The following ARHGEF11 variants were observed in gnomAD, a reference collection of about 807,000 sequenced individuals.
The protein encoded by ARHGEF11 is Rho guanine exchange factor (GEF) 11.
ARHGEF11 carries 55 observed loss-of-function variants against 193.7 expected under a neutral mutation model. The observed-to-expected ratio is 0.28, with a 90% CI of 0.23 to 0.36. The LOEUF (loss-of-function observed/expected upper bound fraction) is 0.36. Ranked by LOEUF, ARHGEF11 falls within the 10% of genes least tolerant of loss-of-function variation. The pLI is 1.00. For synonymous variants in ARHGEF11, 693 were observed against 768.0 expected, an observed-to-expected ratio of 0.90 and a Z score of 1.62; for missense variants, 1,723 against 2,005.6, an observed-to-expected ratio of 0.86 and a Z score of 2.69.
chr1:156,941,715 T>G, intron 34 of ARHGEF11, 149 bp downstream of exon 34: 1 of 1,236,260 alleles, frequency 8.1e-7, no homozygotes, highest in South Asian at 1.5e-5. Context: ...GGCATGTTCC[T>G]CCATCTGCCA....
At chr1:156,936,497 A>AAAAAAAT (rs370282821) in intron 40 of ARHGEF11, among the ~76,000 whole-genome samples, 3 of 33,936 alleles carry the variant, frequency 8.8e-5, no homozygotes, top group African/African-American at 3.1e-4. Context: ...AAAAAAAAAA[A>AAAAAAAT]ATATATATAT....
At chr1:156,950,353 T>C (rs959148394) in intron 22 of ARHGEF11, among the ~76,000 whole-genome samples, 2 of 152,198 alleles carry the variant, frequency 1.3e-5, no homozygotes, top group Admixed American at 6.5e-5. Flanking sequence ...AAAGGCAAAA[T>C]AGGCCAGGTG....
At chr1:157,036,076 T>G (rs1270056138) in intron 1 of ARHGEF11, among the ~76,000 whole-genome samples, 3 of 143,562 alleles carry the variant, frequency 2.1e-5, no homozygotes, top group Admixed American at 7.1e-5. Flanking sequence ...TGAATCTATA[T>G]GAATATATAT....
At chr1:157,016,585 G>A (rs1669259095) in intron 1 of ARHGEF11, among the ~76,000 whole-genome samples, 1 of 152,118 alleles carries the variant, frequency 6.6e-6, no homozygotes, top group Admixed American at 6.6e-5. Context: ...TTCATTTTGT[G>A]TGTGTGGTAA....
Position 156,963,551 on chromosome 1 carries a change from T to C in ARHGEF11, c.1007A>G (p.Glu336Gly). 1 of 1,613,982 alleles carries C rather than the reference T, an allele frequency of 6.2e-7. No homozygotes were observed. The highest frequency in any genetic ancestry group is 8.5e-7 in the Non-Finnish European group (1 of 1,179,964). The change falls in exon 12 of 41, where the codon GAA becomes GGA. Residue 336 changes from glutamate (E) to glycine (G), a missense_variant. Transcript: ENST00000368194. ...GTTGAAATAACCCGGGTCATAGTCT[T>C]CCTCTGGGCCAATAATTAAAGGCTT... is the stretch of plus-strand genomic sequence containing the variant. Reference protein sequence around the residue: ...SPKPLIIGPEEDYDPGYFNNE... With the variant: ...SPKPLIIGPEGDYDPGYFNNE...
intron 14 of ARHGEF11, among the ~76,000 whole-genome samples, chr1:156,960,900 G>A (rs1205393906): frequency 1.3e-5 from 2 of 152,158 alleles, no homozygotes; most frequent in Non-Finnish European, 2.9e-5. Flanking sequence ...TCTGGCTTTT[G>A]CTACACAAGT....
rs914385662 is a variant in ARHGEF11 at position 156,984,366 on chromosome 1, T to C, written c.196A>G (p.Ile66Val). The stretch of plus-strand genomic sequence containing the variant: ...GGCCGCACAGACTGCACCAGAACAA[T>C]GCGATCCCCACTGACTGTGAAGCCG... ...GFGFTVSGDR[I>V]VLVQSVRPGG... Residue 66 changes from isoleucine (I) to valine (V), a missense_variant, in exon 3 of 41, where the codon ATT (isoleucine) becomes GTT (valine). Ile to Val is a conservative substitution (Grantham distance 29, BLOSUM62 3). Coordinates refer to ENST00000368194, the MANE Select transcript of ARHGEF11 (RefSeq NM_198236.3). 2 of 1,595,408 alleles carry C rather than the reference T, an allele frequency of 1.3e-6. No homozygotes were observed. Among genetic ancestry groups the C allele is most frequent in the African/African-American group, 1.3e-5 (1 of 74,932 alleles).
At chr1:156,947,686 C>T (rs1658396544) in intron 25 of ARHGEF11, 83 bp downstream of exon 25, 2 of 1,533,094 alleles carry the variant, frequency 1.3e-6, no homozygotes, top group Admixed American at 3.7e-5. Context: ...CTATTTACCT[C>T]TTTCCCACCC....
chr1:156,999,324 G>C (rs955839036), intron 1 of ARHGEF11, among the ~76,000 whole-genome samples: 1 of 152,168 alleles, frequency 6.6e-6, no homozygotes, highest in Non-Finnish European at 1.5e-5. Context: ...CAGGACACAA[G>C]TTCAAGTGTG....
intron 1 of ARHGEF11, among the ~76,000 whole-genome samples, chr1:157,036,135 A>G (rs1364801972): frequency 6.9e-6 from 1 of 144,888 alleles, no homozygotes; most frequent in East Asian, 2.0e-4. Context: ...GAAAATATAT[A>G]TATGAATATA....
At position 157,013,258 on chromosome 1, in the gene ARHGEF11, ATCAC is replaced by A. The variant is rs1292827548; in HGVS notation, c.33-27089_33-27086del. 5.1e-4 allele frequency among the ~76,000 whole-genome samples: 6 copies of A among 11,726 alleles called. 1 individual carries two copies. Among genetic ancestry groups the A allele is most frequent in the East Asian group, 1.8e-3 (1 of 570 alleles). The allele number at this position is 11,726 out of a possible 152,430, so 7.7% of individuals were successfully genotyped here. On this transcript the variant is annotated intron_variant, in intron 1 of 40. Transcript: ENST00000368194. ...CCCCAACTGCTCATAACTCCCCACT[ATCAC>A]TCACACACACACACACACACACACA...
At chr1:156,938,349 C>G in intron 38 of ARHGEF11, 69 bp downstream of exon 38, 1 of 1,448,188 alleles carries the variant, frequency 6.9e-7, no homozygotes, top group East Asian at 2.3e-5. Flanking sequence ...GGCAGGGGTC[C>G]GACTCTGCCC....
chr1:156,973,409 A>G (rs1000288230), intron 7 of ARHGEF11, among the ~76,000 whole-genome samples: 2 of 152,164 alleles, frequency 1.3e-5, no homozygotes, highest in Non-Finnish European at 2.9e-5. Context: ...CTGTAGAAGC[A>G]CCTATGTCCC....
chr1:157,016,023 G>C (rs970011292), intron 1 of ARHGEF11, among the ~76,000 whole-genome samples: 2 of 152,062 alleles, frequency 1.3e-5, no homozygotes, highest in African/African-American at 4.8e-5. Flanking sequence ...ATATCTCTAA[G>C]ATTTTAATCC....
In ARHGEF11 at chr1:156,948,009, G is replaced by C. The variant is rs1289926646; in HGVS notation, c.2154-53C>G. On this transcript the variant is annotated intron_variant, in intron 24 of 40. Transcript: ENST00000368194. This position sits in a 1 kb window ranked among gnomAD's most constrained non-coding sequence, Gnocchi z 4.2. ...ATTTAGGAGGAAGAACTCACACAGA[G>C]GGTTTGGCCCTCCCTCTCCTGCCCG... 11 of 1,593,534 alleles carry C rather than the reference G, an allele frequency of 6.9e-6. No homozygotes were observed. Among genetic ancestry groups the C allele is most frequent in the Middle Eastern group, 1.7e-4 (1 of 5,786 alleles).
chr1:156,977,158 C>A (rs1663382855), intron 6 of ARHGEF11, 104 bp from the exon 7 acceptor site: 3 of 971,634 alleles, frequency 3.1e-6, no homozygotes, highest in Non-Finnish European at 4.9e-6. Flanking sequence ...GAGAATAGAG[C>A]CTGGATCATA....
chr1:156,998,466 A>T (rs1557929172), intron 1 of ARHGEF11, among the ~76,000 whole-genome samples: 2 of 152,234 alleles, frequency 1.3e-5, no homozygotes, highest in Non-Finnish European at 2.9e-5. Context: ...CATCTATGGG[A>T]CTGAGAGCAA....
chr1:156,959,376 TGTTCTGTGCTCCATTAAGAGAA>T (rs1660451579), intron 15 of ARHGEF11, among the ~76,000 whole-genome samples: 1 of 152,242 alleles, frequency 6.6e-6, no homozygotes, highest in Non-Finnish European at 1.5e-5. Flanking sequence ...ATTTTCTGGA[TGTTCTGTGCTCCATTAAGAGAA>T]GTATTAAAGT....
intron 1 of ARHGEF11, among the ~76,000 whole-genome samples, chr1:157,029,519 GC>G (rs202136432): frequency 0.013 from 1,968 of 152,242 alleles, 39 homozygotes; most frequent in African/African-American, 0.045. Flanking sequence ...TGATGCACCT[GC>G]CTCGGCCTCC....
Sources: gnomAD v4.1 joint callset for allele counts (sites outside exome capture counted in the v4.1 genomes callset) on GRCh38, gnomAD v4.1.1 for gene constraint, Gnocchi (gnomAD v3.1) non-coding constraint, MANE v1.5 for transcripts, NCBI Gene and HGNC (gene_info 2026-07-23, HGNC 2026-07-21) for gene names.